The following DRP2 variants were observed in gnomAD, a reference collection of about 807,000 sequenced individuals.
DRP2 encodes the protein dystrophin-related protein 2.
In DRP2, 29 loss-of-function variants were observed where a neutral mutation model predicts 78.2. That is an observed-to-expected ratio of 0.37 (90% CI 0.28 to 0.51). DRP2 has a LOEUF of 0.51. DRP2 is among the 20% of genes least tolerant of loss of function. The probability of loss-of-function intolerance (pLI) is 0.94; values close to 1 mark genes in which losing one functional copy is unlikely to be tolerated. For missense variants in DRP2, 686 were observed against 770.6 expected, an observed-to-expected ratio of 0.89 and a Z score of 1.30; for synonymous variants, 290 against 281.9, an observed-to-expected ratio of 1.03 and a Z score of -0.29.
At chrX:101,236,437 GCTGTC>G (rs1391416660) in intron 4 of DRP2, among the ~76,000 whole-genome samples, 1 of 111,708 alleles carries the variant, frequency 9.0e-6, no homozygotes, top group East Asian at 2.8e-4. Flanking sequence ...TCCTCTCATA[GCTGTC>G]CTATATCTTG....
At chrX:101,259,942 G>A in intron 22 of DRP2, 107 bp from the exon 23 acceptor site, 1 of 1,032,908 alleles carries the variant, frequency 9.7e-7, no homozygotes, top group East Asian at 3.1e-5. Context: ...AAAGTCTAAG[G>A]GTAAAGGGAT....
intron 2 of DRP2, among the ~76,000 whole-genome samples, chrX:101,228,249 G>T (rs1051522218): frequency 3.6e-5 from 4 of 112,098 alleles, no homozygotes; most frequent in Admixed American, 2.8e-4. Flanking sequence ...GCACAAGGTT[G>T]TTCACTGCAC....
intron 22 of DRP2, among the ~76,000 whole-genome samples, chrX:101,259,778 G>A (rs984423914): frequency 5.3e-5 from 6 of 112,315 alleles, no homozygotes; most frequent in African/African-American, 1.9e-4. Context: ...GATTACAGGC[G>A]TGAGCCACCG....
chrX:101,236,113 T>TC, intron 4 of DRP2, 90 bp downstream of exon 4: 5 of 1,009,741 alleles, frequency 5.0e-6, no homozygotes, highest in Non-Finnish European at 6.9e-6. Flanking sequence ...AGCCTGTGCA[T>TC]CCCCCTTTCC....
intron 2 of DRP2, among the ~76,000 whole-genome samples, chrX:101,226,259 G>A (rs1200335965): frequency 9.0e-6 from 1 of 111,676 alleles, no homozygotes; most frequent in African/African-American, 3.3e-5. Context: ...AGACGTTTAA[G>A]TTTTTGCAAT....
At position 101,245,380 on chromosome X, in the gene DRP2, G is replaced by A. The variant is rs952660029; in HGVS notation, c.1116-8G>A. On this transcript the variant is annotated splice_region_variant and splice_polypyrimidine_tract_variant and intron_variant, in intron 10 of 23. Transcript: ENST00000395209. ...AGATGCTGGTACTATTGATGCTATT[G>A]TTTGTAGCCACCAGGCTCAGACCAC... 6 of 1,198,552 alleles carry A rather than the reference G, an allele frequency of 5.0e-6. No individual in the cohort carries two copies. The African/African-American group carries it at 1.1e-4, about 21-fold the overall frequency.
At chrX:101,230,961 C>A (rs990522315) in intron 2 of DRP2, among the ~76,000 whole-genome samples, 15 of 111,858 alleles carry the variant, frequency 1.3e-4, no homozygotes, top group African/African-American at 4.9e-4. Context: ...CACATTTGTT[C>A]TCTCTGTATG....
chrX:101,239,519 G>A (rs1339339869), intron 6 of DRP2, among the ~76,000 whole-genome samples: 6 of 112,057 alleles, frequency 5.4e-5, no homozygotes, highest in Non-Finnish European at 7.5e-5. Context: ...GAGGCAAGAA[G>A]ATCACTTGTG....
rs750336873 is a variant in DRP2, at chrX:101,222,336, T to TA, written c.-167+2197dup. ...TAAAAAAAAATAATAAAATAAAAAATAAAAAAATAAAAAACTGGAAGAAAT... is the reference window on the plus strand; with the variant it reads ...TAAAAAAAAATAATAAAATAAAAAATAAAAAAAATAAAAAACTGGAAGAAAT... On this transcript the variant is annotated intron_variant, in intron 1 of 23. Transcript: ENST00000395209. 2.2e-3 allele frequency among the ~76,000 whole-genome samples: 240 copies of TA among 111,362 alleles called. 1 individual carries two copies. Among genetic ancestry groups the TA allele is most frequent in the African/African-American group, 7.4e-3 (226 of 30,680 alleles).
At chrX:101,223,601 CTG>C (rs1480022640) in intron 1 of DRP2, among the ~76,000 whole-genome samples, 1 of 112,297 alleles carries the variant, frequency 8.9e-6, no homozygotes, top group African/African-American at 3.2e-5. Flanking sequence ...TGTCAAATCA[CTG>C]TGCAAAATAG....
In DRP2 at chrX:101,258,452, A is replaced by G. The variant is rs1923431217; in HGVS notation, c.2534A>G (p.His845Arg). Residue 845 changes from histidine to arginine, a missense_variant, in exon 22 of 24, where the codon CAT becomes CGT. Transcript: ENST00000395209. ...GCCGAGGCCCGTATCCTTCGGCAAC[A>G]TAAGAGCCGCCTGGAGACGCGCATG... ...LLAEARILRQHKSRLETRMQI... is the reference protein window; with the variant it reads ...LLAEARILRQRKSRLETRMQI... 5 of 1,203,410 alleles carry G rather than the reference A, an allele frequency of 4.2e-6. No homozygotes were observed. The highest frequency in any genetic ancestry group is 5.6e-6 in the Non-Finnish European group (5 of 891,119).
At position 101,249,679 on chromosome X, in the gene DRP2, C is replaced by T. The variant is rs767262089; in HGVS notation, c.1541-744C>T. ...ACTAGGCAGTAATGGACCCAAAACT[C>T]GAACCTAGGCTCTCTGCCTTCTATT... On this transcript the variant is annotated intron_variant, in intron 14 of 23. Transcript: ENST00000395209. Among the ~76,000 whole-genome samples, 5 of 111,706 alleles carry T rather than the reference C, an allele frequency of 4.5e-5. No homozygotes were observed. The East Asian group carries it at 1.1e-3, about 25-fold the overall frequency.
rs1480603972 is a variant in DRP2, at chrX:101,257,432, A to G, written c.2391-877A>G. Among the ~76,000 whole-genome samples the G allele has an allele frequency of 5.7e-5, 6 of 104,668 alleles. No homozygotes were observed. The South Asian group carries it at 2.5e-3, about 44-fold the overall frequency. 90.9% of individuals were successfully genotyped at this position (104,668 alleles called of 115,157 possible). A position where few individuals can be genotyped will look rare whatever the true frequency, so the allele number is the denominator to read the frequency against. On this transcript the variant is annotated intron_variant, in intron 21 of 23. Transcript: ENST00000395209. ...TTGTGACCAGTCCAAGGCAAGATAA[A>G]AAAAAAAAAAAAAAAAAAGAGAGAG...
At chrX:101,251,690 G>C (rs190555377) in intron 16 of DRP2, 4 of 112,184 alleles carry the variant, frequency 3.6e-5, no homozygotes, top group African/African-American at 1.3e-4. Context: ...ATAATGGCTA[G>C]ATTTAACAAC....
At chrX:101,245,490 A>G (rs779762517) in intron 11 of DRP2, 41 bp downstream of exon 11, 1 of 1,073,482 alleles carries the variant, frequency 9.3e-7, no homozygotes, top group East Asian at 3.1e-5. Flanking sequence ...GCATATACAC[A>G]GCTGCCTTTG....
chrX:101,241,809 T>C lies in DRP2; in HGVS notation c.701T>C (p.Leu234Ser). 8.3e-7 allele frequency: 1 copy of C among 1,210,716 alleles called. No homozygotes were observed. ...ATTGAGCGGACTCTGGAGCAGCTCT[T>C]GGAGATTCAAGGGGCAATGGAGGAA... is the stretch of plus-strand genomic sequence containing the variant. ...RHIERTLEQLLEIQGAMEELS... is the reference protein window; with the variant it reads ...RHIERTLEQLSEIQGAMEELS... The change falls in exon 7 of 24, where the codon TTG becomes TCG. Residue 234 changes from leucine to serine, a missense_variant. Leu to Ser is a moderately radical substitution (Grantham distance 145). This residue lies in a region of DRP2 where 263 missense variants were observed against 239.1 expected (regional missense o/e 1.10). Transcript: ENST00000395209.
intron 9 of DRP2, 150 bp from the exon 10 acceptor site, chrX:101,244,867 C>A: frequency 2.1e-6 from 1 of 482,232 alleles, no homozygotes. Context: ...CTTTGTCCCA[C>A]CCTCAGAGGC....
intron 6 of DRP2, among the ~76,000 whole-genome samples, chrX:101,240,889 A>G (rs1026725409): frequency 8.9e-6 from 1 of 111,875 alleles, no homozygotes; most frequent in Non-Finnish European, 1.9e-5. Flanking sequence ...GGGGCTCTGG[A>G]TCTTCTGAGG....
At chrX:101,231,917 T>C (rs1451638777) in intron 3 of DRP2, among the ~76,000 whole-genome samples, 153 bp downstream of exon 3, 1 of 111,344 alleles carries the variant, frequency 9.0e-6, no homozygotes, top group Non-Finnish European at 1.9e-5. Flanking sequence ...GCCCATCCTT[T>C]ATTACTCATT....
Sources: allele counts gnomAD v4.1 joint callset (sites outside exome capture counted in the v4.1 genomes callset), GRCh38; gene constraint gnomAD v4.1.1; regional missense constraint gnomAD v4.1.1; transcripts MANE v1.5; gene names NCBI Gene and HGNC (gene_info 2026-07-23, HGNC 2026-07-21).